Variants in CACNB2 observed in about 807,000 individuals in gnomAD.
The protein encoded by CACNB2 is calcium voltage-gated channel auxiliary subunit beta 2, also known as voltage-dependent L-type calcium channel subunit beta-2.
In CACNB2, 42 loss-of-function variants were observed where a neutral mutation model predicts 73.3. The observed-to-expected ratio is 0.57, with a 90% confidence interval of 0.45 to 0.74. CACNB2 has a LOEUF of 0.74. Ranked by LOEUF, CACNB2 falls within the 30% of genes least tolerant of loss-of-function variation. The pLI is 0.00. For synonymous variants in CACNB2, 348 were observed against 310.3 expected (o/e 1.12, Z -1.28); for missense variants, 940 against 853.0 (o/e 1.10, Z -1.27).
chr10:18,142,260 G>A (rs1161774610), intron 1 of CACNB2, among the ~76,000 whole-genome samples: 1 of 152,228 alleles, frequency 6.6e-6, no homozygotes, highest in Non-Finnish European at 1.5e-5. Flanking sequence ...CCAAGGACTT[G>A]TGTAATCAGA....
chr10:18,355,887 C>T (rs781244211), intron 2 of CACNB2, among the ~76,000 whole-genome samples: 17 of 152,180 alleles, frequency 1.1e-4, no homozygotes, highest in Non-Finnish European at 2.4e-4. Flanking sequence ...CCACCCGCCT[C>T]TGCCTCCCAA....
chr10:18,452,898 C>A (rs1257671608), intron 3 of CACNB2, among the ~76,000 whole-genome samples: 1 of 152,190 alleles, frequency 6.6e-6, no homozygotes, highest in Non-Finnish European at 1.5e-5. Flanking sequence ...GAATATCCCA[C>A]GCTTGATAGC....
intron 2 of CACNB2, among the ~76,000 whole-genome samples, chr10:18,274,227 GA>G (rs11288271): frequency 0.54 from 81,861 of 151,130 alleles, 22,807 homozygotes; most frequent in African/African-American, 0.68. Context: ...TGTCAGTCCA[GA>G]AAAAAAAAGA....
At chr10:18,183,003 T>A (rs945700131) in intron 2 of CACNB2, among the ~76,000 whole-genome samples, 1 of 152,130 alleles carries the variant, frequency 6.6e-6, no homozygotes, top group Non-Finnish European at 1.5e-5. Flanking sequence ...AACATCTTTT[T>A]TTTTTTAATT....
chr10:18,252,119 A>C (rs2037114371), intron 2 of CACNB2, among the ~76,000 whole-genome samples: 1 of 152,160 alleles, frequency 6.6e-6, no homozygotes, highest in Non-Finnish European at 1.5e-5. Flanking sequence ...TAAGGAGTTA[A>C]TTATCTTATC....
chr10:18,243,516 G>A (rs1432695324), intron 2 of CACNB2, among the ~76,000 whole-genome samples: 2 of 152,282 alleles, frequency 1.3e-5, no homozygotes, highest in South Asian at 2.1e-4. Context: ...AACTCATGTT[G>A]AAATTTGATT....
chr10:18,475,958 T>A (rs2048419291), intron 3 of CACNB2, among the ~76,000 whole-genome samples: 1 of 151,896 alleles, frequency 6.6e-6, no homozygotes, highest in Non-Finnish European at 1.5e-5. Context: ...GGCCATAGAG[T>A]AAGGTGAAAG....
At chr10:18,378,390 C>A (rs1404174693) in intron 2 of CACNB2, among the ~76,000 whole-genome samples, 1 of 152,158 alleles carries the variant, frequency 6.6e-6, no homozygotes, top group African/African-American at 2.4e-5. Flanking sequence ...TATAAAATTT[C>A]TTTCTCTAGA....
At chr10:18,517,306 TG>T (rs1483144677) in intron 7 of CACNB2, among the ~76,000 whole-genome samples, 2 of 152,248 alleles carry the variant, frequency 1.3e-5, no homozygotes, top group Non-Finnish European at 1.5e-5. Flanking sequence ...AAGTCATTTT[TG>T]GGTCAATTTA....
At chr10:18,152,607 AT>A (rs1187363697) in intron 2 of CACNB2, among the ~76,000 whole-genome samples, 1 of 148,494 alleles carries the variant, frequency 6.7e-6, no homozygotes, top group African/African-American at 2.5e-5. Flanking sequence ...CGCCTTTTCC[AT>A]TTCAAGCTAT....
At chr10:18,402,348 A>G (rs1332460826) in intron 3 of CACNB2, among the ~76,000 whole-genome samples, 1 of 150,930 alleles carries the variant, frequency 6.6e-6, no homozygotes, top group African/African-American at 2.4e-5. Context: ...CCTAATATCA[A>G]CATGTTTTAC....
At chr10:18,280,084 A>C (rs1564400035) in intron 2 of CACNB2, among the ~76,000 whole-genome samples, 1 of 152,216 alleles carries the variant, frequency 6.6e-6, no homozygotes, top group Non-Finnish European at 1.5e-5. Flanking sequence ...GTCTCAAATA[A>C]GTAAATAAAT....
rs117461341 is a variant in CACNB2 at position 18,195,734 on chromosome 10, C to T, written c.213+44759C>T. 4.9e-4 allele frequency among the ~76,000 whole-genome samples: 74 copies of T among 152,260 alleles called. No homozygotes were observed. The East Asian group carries it at 0.014, about 29-fold the overall frequency. Reference sequence around the variant, plus strand: ...TCGTTGATAAGTGGTGGGGCTCACCCCTCAATCTGTGGACTGGTTCTGACA... The same window carrying T: ...TCGTTGATAAGTGGTGGGGCTCACCTCTCAATCTGTGGACTGGTTCTGACA... On this transcript the variant is annotated intron_variant, in intron 2 of 13. Transcript: ENST00000324631.
At chr10:18,411,212 G>A (rs1432541570) in intron 3 of CACNB2, among the ~76,000 whole-genome samples, 1 of 152,056 alleles carries the variant, frequency 6.6e-6, no homozygotes, top group Non-Finnish European at 1.5e-5. Flanking sequence ...GCATGCGTTT[G>A]TTTATTGTTC....
chr10:18,461,143 T>G (rs952994832), intron 3 of CACNB2, among the ~76,000 whole-genome samples: 3 of 151,940 alleles, frequency 2.0e-5, no homozygotes, highest in African/African-American at 7.3e-5. Flanking sequence ...TGATCACCCA[T>G]CCTTACCTGA....
chr10:18,401,888 C>A (rs1427491978), intron 2 of CACNB2, 36 bp from the exon 3 acceptor site: 1 of 1,610,774 alleles, frequency 6.2e-7, no homozygotes, highest in Admixed American at 1.7e-5. Flanking sequence ...ACATCATAGA[C>A]TGAATCTACT....
At position 18,534,146 on chromosome 10, in the gene CACNB2, G is replaced by A. The variant is rs368230570; in HGVS notation, c.1125G>A (p.Ala375=). The A allele has an allele frequency of 8.1e-6, 13 of 1,613,574 alleles. No homozygotes were observed. Among genetic ancestry groups the A allele is most frequent in the African/African-American group, 5.3e-5 (4 of 74,874 alleles). The part of the protein sequence containing the change: ...ARTLQLVVLD[A]DTINHPAQLS... ...CATTGCAGTTGGTGGTCCTTGACGC[G>A]GATACAATTAATCATCCAGCTCAAC... The change falls in exon 11 of 14, where the codon GCG becomes GCA. Residue 375 remains alanine, a synonymous_variant. Coordinates refer to ENST00000324631, the MANE Select transcript of CACNB2 (RefSeq NM_201596.3).
At chr10:18,242,653 A>G (rs543929795) in intron 2 of CACNB2, among the ~76,000 whole-genome samples, 5 of 152,274 alleles carry the variant, frequency 3.3e-5, no homozygotes, top group African/African-American at 1.2e-4. Context: ...TGTCTGTATT[A>G]GAAGTACAAT....
intron 1 of CACNB2, among the ~76,000 whole-genome samples, chr10:18,146,558 A>G (rs1588539522): frequency 6.6e-6 from 1 of 150,646 alleles, no homozygotes. Flanking sequence ...GCTCACTGCA[A>G]CCTCCACCTC....
Sources: allele counts gnomAD v4.1 joint callset (sites outside exome capture counted in the v4.1 genomes callset), GRCh38; gene constraint gnomAD v4.1.1; transcripts MANE v1.5; gene names NCBI Gene and HGNC (gene_info 2026-07-23, HGNC 2026-07-21).